The following SAG variants were observed in gnomAD, a reference collection of about 807,000 sequenced individuals.
SAG encodes the protein S-arrestin.
SAG carries 45 observed loss-of-function variants against 55.0 expected under a neutral mutation model. The ratio of observed to expected loss-of-function variants is 0.82; its 90% confidence interval spans 0.64 to 1.05. The LOEUF is 1.05. Ranked by LOEUF, SAG falls within the 50% of genes least tolerant of loss-of-function variation. The pLI, the probability that SAG is intolerant of heterozygous loss-of-function variation, is 0.00. For synonymous variants in SAG, 189 were observed against 197.4 expected (o/e 0.96, Z 0.36); for missense variants, 455 against 512.1 (o/e 0.89, Z 1.08).
Position 233,340,553 on chromosome 2 carries a change from T to G in SAG, c.1046+75T>G. ...CAGCAAACTTGGGGCTCCAAAACGGTTTCTGATGAAAGCTGCTTTCTGGAC... is the reference window on the plus strand; with the variant it reads ...CAGCAAACTTGGGGCTCCAAAACGGGTTCTGATGAAAGCTGCTTTCTGGAC... On this transcript the variant is annotated intron_variant, in intron 13 of 15. Transcript: ENST00000409110. This position sits in a 1 kb window ranked among gnomAD's most constrained non-coding sequence, Gnocchi z 4.2. 4 of 1,208,148 alleles carry G rather than the reference T, an allele frequency of 3.3e-6. No homozygotes were observed. The highest frequency in any genetic ancestry group is 4.8e-6 in the Non-Finnish European group (4 of 827,376). 74.8% of individuals were successfully genotyped at this position (1,208,148 alleles called of 1,614,324 possible).
At chr2:233,334,757 T>A (rs1357423467) in intron 10 of SAG, 3 of 575,394 alleles carry the variant, frequency 5.2e-6, no homozygotes, top group Admixed American at 6.1e-5. Context: ...TGAAGAAATA[T>A]CCTCCTGTTG....
At chr2:233,320,586 C>G (rs945173039) in intron 4 of SAG, 44 bp from the exon 5 acceptor site, 1 of 1,487,980 alleles carries the variant, frequency 6.7e-7, no homozygotes, top group Non-Finnish European at 9.0e-7. Flanking sequence ...TGGTGGGTGC[C>G]AGGCCGAGGG....
At position 233,340,378 on chromosome 2, in the gene SAG, T is replaced by C; in HGVS notation, c.1023-77T>C. 7.6e-7 allele frequency: 1 copy of C among 1,323,916 alleles called. No individual in the cohort carries two copies. Among genetic ancestry groups the C allele is most frequent in the Non-Finnish European group, 1.1e-6 (1 of 927,740 alleles). The allele number at this position is 1,323,916 out of a possible 1,614,324, so 82.0% of individuals were successfully genotyped here. On this transcript the variant is annotated intron_variant, in intron 12 of 15. Transcript: ENST00000409110. The surrounding 1 kb of genome is among the most constrained non-coding windows in gnomAD (Gnocchi z 4.2). ...CAAGGGCCATGAGAGCTGGGCTGTG[T>C]CCTGCCTCTGAATCATGGGAAAGGG...
In SAG at chr2:233,340,367, G is replaced by A. The variant is rs1701060518; in HGVS notation, c.1023-88G>A. 1.7e-6 allele frequency: 2 copies of A among 1,165,892 alleles called. No homozygotes were observed. The highest frequency in any genetic ancestry group is 2.5e-6 in the Non-Finnish European group (2 of 787,674). 72.2% of individuals were successfully genotyped at this position (1,165,892 alleles called of 1,614,324 possible). On this transcript the variant is annotated intron_variant, in intron 12 of 15. Coordinates refer to ENST00000409110, the MANE Select transcript of SAG (RefSeq NM_000541.5). This position sits in a 1 kb window ranked among gnomAD's most constrained non-coding sequence, Gnocchi z 4.2. ...GAGTTCGGGTGCAAGGGCCATGAGA[G>A]CTGGGCTGTGTCCTGCCTCTGAATC...
At chr2:233,317,342 A>G (rs1446680405) in intron 3 of SAG, among the ~76,000 whole-genome samples, 1 of 152,272 alleles carries the variant, frequency 6.6e-6, no homozygotes, top group East Asian at 1.9e-4. Context: ...AGAATGTCCC[A>G]CGTCAGCTTC....
At chr2:233,310,797 G>C (rs1244155714) in intron 2 of SAG, among the ~76,000 whole-genome samples, 1 of 152,044 alleles carries the variant, frequency 6.6e-6, no homozygotes, top group African/African-American at 2.4e-5. Context: ...GTGAGCCACC[G>C]CACCTGGCCC....
chr2:233,310,662 G>A (rs781639293), intron 2 of SAG, among the ~76,000 whole-genome samples: 14 of 151,986 alleles, frequency 9.2e-5, no homozygotes, highest in Non-Finnish European at 1.5e-4. Flanking sequence ...ATGTGCCACC[G>A]CGCCCAGCTA....
intron 5 of SAG, among the ~76,000 whole-genome samples, chr2:233,321,348 G>T (rs1412984292): frequency 1.3e-5 from 2 of 152,138 alleles, no homozygotes; most frequent in African/African-American, 4.8e-5. Context: ...CTCAATTGGG[G>T]GAAGCTACCA....
intron 11 of SAG, among the ~76,000 whole-genome samples, chr2:233,335,939 C>T (rs1700911995): frequency 6.6e-6 from 1 of 152,212 alleles, no homozygotes; most frequent in South Asian, 2.1e-4. Context: ...GATTGTTTGA[C>T]CCCATGACTC....
rs768257492 is a variant in SAG at position 233,331,667 on chromosome 2, A to G, written c.761A>G (p.Tyr254Cys). Residue 254 changes from tyrosine (Y) to cysteine (C), a missense_variant, in exon 10 of 16, where the codon TAC becomes TGC. Transcript: ENST00000409110. The stretch of plus-strand genomic sequence containing the variant: ...GAACAGGTGGCCAATGTGGTTCTCT[A>G]CTCGAGTGATTATTACGTCAAGCCC... ...FVEQVANVVLYSSDYYVKPVA... is the reference protein window; with the variant it reads ...FVEQVANVVLCSSDYYVKPVA... 2 of 1,611,780 alleles carry G rather than the reference A, an allele frequency of 1.2e-6. No individual in the cohort carries two copies. The highest frequency in any genetic ancestry group is 1.1e-5 in the South Asian group (1 of 90,972).
chr2:233,322,961 C>T lies in SAG; in HGVS notation c.391C>T (p.Pro131Ser), dbSNP rs780678704. 2 of 1,572,246 alleles carry T rather than the reference C, an allele frequency of 1.3e-6. No homozygotes were observed. The highest frequency in any genetic ancestry group is 1.2e-5 in the South Asian group (1 of 85,336). Residue 131 changes from proline (P) to serine (S), a missense_variant, in exon 6 of 16, where the codon CCC becomes TCC. Coordinates refer to ENST00000409110, the MANE Select transcript of SAG (RefSeq NM_000541.5). ...CTTTCCACAGTTTCCTGACTACTTG[C>T]CCTGTTCAGTGATGTTGCAGCCAGC... is the stretch of plus-strand genomic sequence containing the variant. ...PFLLTFPDYL[P>S]CSVMLQPAPQ...
rs1574933437 is a variant in SAG, at chr2:233,319,907, GC to G, written c.182-722del. Reference sequence around the variant, plus strand: ...AAAATTCTCAACCAACAGCTACCACGCACTTGGCGGGGCCGCCTCTCGTGCT... The same window carrying G: ...AAAATTCTCAACCAACAGCTACCACGACTTGGCGGGGCCGCCTCTCGTGCT... On this transcript the variant is annotated intron_variant, in intron 4 of 15. Transcript: ENST00000409110. The surrounding 1 kb of genome is among the most constrained non-coding windows in gnomAD (Gnocchi z 4.4). 3.0e-6 allele frequency: 3 copies of G among 985,518 alleles called. No homozygotes were observed. The highest frequency in any genetic ancestry group is 2.3e-4 in the East Asian group (2 of 8,832). The allele number at this position is 985,518 out of a possible 1,614,324, so 61.0% of individuals were successfully genotyped here. A position where few individuals can be genotyped will look rare whatever the true frequency, so the allele number is the denominator to read the frequency against.
chr2:233,338,561 C>T, intron 11 of SAG, 115 bp from the exon 12 acceptor site: 1 of 902,822 alleles, frequency 1.1e-6, no homozygotes, highest in Non-Finnish European at 1.8e-6. Flanking sequence ...AGTGAGTTCA[C>T]CAGTCCCTGG....
intron 2 of SAG, among the ~76,000 whole-genome samples, chr2:233,312,467 C>T (rs1176174270): frequency 6.6e-6 from 1 of 152,242 alleles, no homozygotes; most frequent in South Asian, 2.1e-4. Flanking sequence ...GGTCAAAGTG[C>T]TTAGCTTGGC....
In SAG at chr2:233,346,247, A is replaced by G. The variant is rs558938765; in HGVS notation, c.1103-156A>G. On this transcript the variant is annotated intron_variant, in intron 14 of 15. Coordinates refer to ENST00000409110, the MANE Select transcript of SAG (RefSeq NM_000541.5). ...AGGCAGGGAGGCAGGAATTACACGCAGTGATCATGAACTGCATGTATCTAG... is the reference window on the plus strand; with the variant it reads ...AGGCAGGGAGGCAGGAATTACACGCGGTGATCATGAACTGCATGTATCTAG... 78 of 678,214 alleles carry G rather than the reference A, an allele frequency of 1.2e-4. No individual in the cohort carries two copies. In the South Asian group the frequency reaches 1.4e-3, roughly 12 times the overall value. 42.0% of individuals were successfully genotyped at this position (678,214 alleles called of 1,614,324 possible).
intron 2 of SAG, among the ~76,000 whole-genome samples, chr2:233,315,645 A>T (rs1700197508): frequency 6.6e-6 from 1 of 151,790 alleles, no homozygotes; most frequent in Non-Finnish European, 1.5e-5. Context: ...CACAGCTGGA[A>T]ATAAAAGATT....
Position 233,319,913 on chromosome 2 carries a change from G to C in SAG, c.182-717G>C. On this transcript the variant is annotated intron_variant, in intron 4 of 15. Transcript: ENST00000409110. The surrounding 1 kb of genome is among the most constrained non-coding windows in gnomAD (Gnocchi z 4.4). ...CTCAACCAACAGCTACCACGCACTT[G>C]GCGGGGCCGCCTCTCGTGCTTTATA... The C allele has an allele frequency of 1.0e-6, 1 of 985,644 alleles. No individual in the cohort carries two copies. The highest frequency in any genetic ancestry group is 1.2e-6 in the Non-Finnish European group (1 of 829,952). The allele number at this position is 985,644 out of a possible 1,614,324, so 61.1% of individuals were successfully genotyped here.
In SAG at chr2:233,342,184, G is replaced by A. The variant is rs942768916; in HGVS notation, c.1047-87G>A. 4 of 945,490 alleles carry A rather than the reference G, an allele frequency of 4.2e-6. No individual in the cohort carries two copies. The African/African-American group carries it at 6.7e-5, about 16-fold the overall frequency. The allele number at this position is 945,490 out of a possible 1,614,324, so 58.6% of individuals were successfully genotyped here. A position where few individuals can be genotyped will look rare whatever the true frequency, so the allele number is the denominator to read the frequency against. On this transcript the variant is annotated intron_variant, in intron 13 of 15. Coordinates refer to ENST00000409110, the MANE Select transcript of SAG (RefSeq NM_000541.5). Reference sequence around the variant, plus strand: ...TTCAGCTTGGGCCTGGGGATCTTTTGTGACTCTCCGCAGCCATAGGTCTTT... The same window carrying A: ...TTCAGCTTGGGCCTGGGGATCTTTTATGACTCTCCGCAGCCATAGGTCTTT...
Position 233,319,688 on chromosome 2 carries a change from T to G in SAG, c.181+893T>G. 1.0e-6 allele frequency: 1 copy of G among 985,756 alleles called. No individual in the cohort carries two copies. Among genetic ancestry groups the G allele is most frequent in the Non-Finnish European group, 1.2e-6 (1 of 830,206 alleles). 61.1% of individuals were successfully genotyped at this position (985,756 alleles called of 1,614,324 possible). A position where few individuals can be genotyped will look rare whatever the true frequency, so the allele number is the denominator to read the frequency against. The stretch of plus-strand genomic sequence containing the variant: ...CTCTCTGGACCAGGAGGCATCTGGT[T>G]TGAGCCCCGAAAGCCCAAGTCCTTG... On this transcript the variant is annotated intron_variant, in intron 4 of 15. Transcript: ENST00000409110. The surrounding 1 kb of genome is among the most constrained non-coding windows in gnomAD (Gnocchi z 4.4).
Sources: gnomAD v4.1 joint callset for allele counts (sites outside exome capture counted in the v4.1 genomes callset) on GRCh38, gnomAD v4.1.1 for gene constraint, Gnocchi (gnomAD v3.1) non-coding constraint, MANE v1.5 for transcripts, NCBI Gene and HGNC (gene_info 2026-07-23, HGNC 2026-07-21) for gene names.